The following MCF2L variants were observed in gnomAD, a reference collection of about 807,000 sequenced individuals.
The protein encoded by MCF2L is MCF.2 cell line derived transforming sequence like.
A neutral mutation model predicts 153.4 loss-of-function variants in MCF2L; 97 were observed. That is an observed-to-expected ratio of 0.63 (90% CI 0.54 to 0.75). MCF2L has a LOEUF of 0.75. MCF2L is among the 30% of genes least tolerant of loss of function. MCF2L has a pLI of 0.00. For synonymous variants in MCF2L, 659 were observed against 632.2 expected (o/e 1.04, Z -0.64); for missense variants, 1,347 against 1,495.2 (o/e 0.90, Z 1.64).
rs1364576077 is a variant in MCF2L at position 113,026,071 on chromosome 13, G to A, written c.278+1313G>A. ...TCCCTGTGAGATTTCCCCATCATGC[G>A]GTCCCCGTGACTGTGGGTCGGGGCA... On this transcript the variant is annotated intron_variant, in intron 3 of 29. Coordinates refer to ENST00000535094, the MANE Select transcript of MCF2L (RefSeq NM_001112732.3). Among the ~76,000 whole-genome samples the A allele has an allele frequency of 4.5e-5, 3 of 67,016 alleles. 1 individual carries two copies. The highest frequency in any genetic ancestry group is 9.7e-5 in the Non-Finnish European group (3 of 30,788). 44.0% of individuals were successfully genotyped at this position (67,016 alleles called of 152,430 possible).
chr13:112,926,525 G>T (rs1476809448), intron 2 of MCF2L, among the ~76,000 whole-genome samples: 1 of 152,092 alleles, frequency 6.6e-6, no homozygotes, highest in Non-Finnish European at 1.5e-5. Context: ...AGTACTGTAC[G>T]GCCTGGTCTA....
At chr13:113,077,456 A>G (rs1165558647) in intron 13 of MCF2L, among the ~76,000 whole-genome samples, 4 of 152,150 alleles carry the variant, frequency 2.6e-5, no homozygotes, top group South Asian at 4.1e-4. Flanking sequence ...TCTTGTAGGC[A>G]TCGTTGTGGC....
At chr13:113,003,877 TG>T in intron 1 of MCF2L, among the ~76,000 whole-genome samples, 1 of 152,196 alleles carries the variant, frequency 6.6e-6, no homozygotes, top group Non-Finnish European at 1.5e-5. Flanking sequence ...AAATGCAGGG[TG>T]GGGCGAGCCC....
intron 17 of MCF2L, 26 bp from the exon 18 acceptor site, chr13:113,083,972 A>C (rs1381359085): frequency 6.4e-7 from 1 of 1,572,866 alleles, no homozygotes; most frequent in African/African-American, 1.3e-5. Context: ...TGTCTTTCAT[A>C]CTACTTAAAA....
intron 4 of MCF2L, 90 bp from the exon 5 acceptor site, chr13:113,060,503 C>A: frequency 6.6e-7 from 1 of 1,521,222 alleles, no homozygotes; most frequent in Admixed American, 1.8e-5. Context: ...GCTGCGCGCC[C>A]CCGGTCAGCC....
chr13:113,035,905 G>A lies in MCF2L; in HGVS notation c.279-9366G>A, dbSNP rs1434451613. Among the ~76,000 whole-genome samples, 2 of 152,182 alleles carry A rather than the reference G, an allele frequency of 1.3e-5. No individual in the cohort carries two copies. Among genetic ancestry groups the A allele is most frequent in the Non-Finnish European group, 2.9e-5 (2 of 68,046 alleles). On this transcript the variant is annotated intron_variant, in intron 3 of 29. Transcript: ENST00000535094. This position sits in a 1 kb window ranked among gnomAD's most constrained non-coding sequence, Gnocchi z 4.4. ...GTAGTGAGTCTGTGTGACAGGCGAT[G>A]GGGCCTTCCTCTCTGGTACAGCAGG...
intron 2 of MCF2L, among the ~76,000 whole-genome samples, chr13:112,922,835 T>TACAA (rs755420424): frequency 1.3e-5 from 2 of 152,274 alleles, no homozygotes; most frequent in Admixed American, 6.5e-5. Flanking sequence ...ACTCCATCTC[T>TACAA]ACAAACAAAC....
At chr13:113,063,307 G>A (rs555998540) in intron 5 of MCF2L, among the ~76,000 whole-genome samples, 7 of 150,634 alleles carry the variant, frequency 4.6e-5, no homozygotes, top group African/African-American at 7.3e-5. Flanking sequence ...ATGTCCAGGC[G>A]CCCCCATCCG....
At position 113,074,899 on chromosome 13, in the gene MCF2L, GAC is replaced by G. The variant is rs2033296847; in HGVS notation, c.1117-94_1117-93del. On this transcript the variant is annotated intron_variant, in intron 10 of 29. Transcript: ENST00000535094. This position sits in a 1 kb window ranked among gnomAD's most constrained non-coding sequence, Gnocchi z 4.2. ...CCGCAGCAGTAAACAAAGAAATCAA[GAC>G]ACACGTGTGCCCCGGGACACACATC... 9.1e-7 allele frequency: 1 copy of G among 1,097,982 alleles called. No individual in the cohort carries two copies. The highest frequency in any genetic ancestry group is 2.4e-5 in the East Asian group (1 of 41,848). The allele number at this position is 1,097,982 out of a possible 1,614,324, so 68.0% of individuals were successfully genotyped here.
At position 113,094,661 on chromosome 13, in the gene MCF2L, T is replaced by G. The variant is rs546225501; in HGVS notation, c.3075+26T>G. 12 of 1,601,186 alleles carry G rather than the reference T, an allele frequency of 7.5e-6. No individual in the cohort carries two copies. The South Asian group carries it at 9.0e-5, about 12-fold the overall frequency. ...GTAACCACGGCTTCCCTGTGGGCAC[T>G]TGGGGTGGGGGCTGCCCTCCGGGGA... On this transcript the variant is annotated intron_variant, in intron 27 of 29. Transcript: ENST00000535094.
At chr13:113,089,165 C>CTCCG in intron 25 of MCF2L, among the ~76,000 whole-genome samples, 1 of 87,260 alleles carries the variant, frequency 1.1e-5, no homozygotes, top group African/African-American at 4.9e-5. Context: ...AGAAACACTC[C>CTCCG]CCCGCCCCCC....
upstream of MCF2L, chr13:112,969,080 A>C: frequency 4.0e-6 from 1 of 247,040 alleles, no homozygotes; most frequent in Non-Finnish European, 7.5e-6. This position sits in a 1 kb window ranked among gnomAD's most constrained non-coding sequence, Gnocchi z 4.8. Context: ...CTCCCAGGTG[A>C]CCCCGGCGGT....
rs1016595039 is a variant in MCF2L, at chr13:113,099,402, C to T, written c.*2543C>T. 5.3e-5 allele frequency: 8 copies of T among 152,190 alleles called. No homozygotes were observed. The highest frequency in any genetic ancestry group is 1.2e-4 in the African/African-American group (5 of 41,438). The allele number at this position is 152,190 out of a possible 1,614,324, so 9.4% of individuals were successfully genotyped here. ...AATTTAAAAGCTTGTTTCTAACTCA[C>T]GGGATGCGGGCAGTCTGCTCTCTAG... On this transcript the variant is annotated 3_prime_UTR_variant, in exon 30 of 30. Coordinates refer to ENST00000535094, the MANE Select transcript of MCF2L (RefSeq NM_001112732.3).
upstream of MCF2L, chr13:112,968,786 C>CGG: frequency 7.4e-7 from 1 of 1,344,154 alleles, no homozygotes; most frequent in Non-Finnish European, 9.5e-7. Flanking sequence ...CGCGGCTTCG[C>CGG]GGCTGCCCGC....
intron 3 of MCF2L, among the ~76,000 whole-genome samples, chr13:113,034,446 C>G (rs1457857403): frequency 6.6e-6 from 1 of 152,198 alleles, no homozygotes; most frequent in Non-Finnish European, 1.5e-5. Flanking sequence ...CAGGCAGCCT[C>G]ATTTTCATTC....
At chr13:113,059,976 G>T (rs907980184) in intron 4 of MCF2L, among the ~76,000 whole-genome samples, 28 of 152,238 alleles carry the variant, frequency 1.8e-4, no homozygotes, top group African/African-American at 6.3e-4. Flanking sequence ...ACCACTGGGC[G>T]CACAGAAGCT....
chr13:113,050,979 C>T (rs2141612564), intron 4 of MCF2L, among the ~76,000 whole-genome samples: 1 of 152,158 alleles, frequency 6.6e-6, no homozygotes, highest in South Asian at 2.1e-4. Flanking sequence ...AGACCGTCCC[C>T]CAGGGCAGGG....
chr13:112,991,033 C>T (rs926156381), intron 1 of MCF2L, among the ~76,000 whole-genome samples: 10 of 152,228 alleles, frequency 6.6e-5, no homozygotes, highest in Non-Finnish European at 1.3e-4. Flanking sequence ...GCTCGGCCTC[C>T]GCCACCTGGC....
chr13:113,044,711 G>A (rs2086697475), intron 3 of MCF2L: 1 of 1,612,848 alleles, frequency 6.2e-7, no homozygotes. Flanking sequence ...GCGCAAGTGT[G>A]GTCTCTGTCA....
Sources: gnomAD v4.1 joint callset for allele counts (sites outside exome capture counted in the v4.1 genomes callset) on GRCh38, gnomAD v4.1.1 for gene constraint, Gnocchi (gnomAD v3.1) non-coding constraint, MANE v1.5 for transcripts, NCBI Gene and HGNC (gene_info 2026-07-23, HGNC 2026-07-21) for gene names.